Variants in LRRC37A2 observed in about 807,000 individuals in gnomAD.
The protein encoded by LRRC37A2 is leucine rich repeat containing 37 member A2.
In LRRC37A2, 9 loss-of-function variants were observed where a neutral mutation model predicts 68.8. That is an observed-to-expected ratio of 0.13 (90% CI 0.08 to 0.23). LRRC37A2 has a LOEUF of 0.23. Ranked by LOEUF, LRRC37A2 falls within the 10% of genes least tolerant of loss-of-function variation. The pLI is 1.00. For missense variants in LRRC37A2, 168 were observed against 950.4 expected, an observed-to-expected ratio of 0.18 and a Z score of 10.82; for synonymous variants, 63 against 367.6, an observed-to-expected ratio of 0.17 and a Z score of 9.48.
At chr17:46,882,538 C>T in the LRRC37A2 span, among the ~76,000 whole-genome samples, 1 of 151,910 alleles carries the variant, frequency 6.6e-6, no homozygotes, top group East Asian at 1.9e-4. Flanking sequence ...TAGGTTCAAG[C>T]GATTCTCCTG....
At chr17:46,936,980 A>T in the LRRC37A2 span, 1 of 225,750 alleles carries the variant, frequency 4.4e-6, no homozygotes, top group Non-Finnish European at 7.3e-6. Context: ...AAAAAAAAAA[A>T]GGATATGGGG....
the LRRC37A2 span, among the ~76,000 whole-genome samples, chr17:46,847,967 A>AGTGT: frequency 0.49 from 73,103 of 149,458 alleles, 19,676 homozygotes; most frequent in Middle Eastern, 0.65. Context: ...TGATTTCCAA[A>AGTGT]GTGTGTGTGT....
chr17:46,771,878 G>GCCCGCC, the LRRC37A2 span, among the ~76,000 whole-genome samples: 22 of 143,206 alleles, frequency 1.5e-4, no homozygotes, highest in African/African-American at 5.5e-4. Context: ...CCCCTCCGGC[G>GCCCGCC]CCCGCCCCCG....
chr17:46,541,613 A>C lies in LRRC37A2; in HGVS notation c.3053+732A>C, dbSNP rs1283254342. 4.6e-5 allele frequency among the ~76,000 whole-genome samples: 7 copies of C among 150,906 alleles called. 1 individual carries two copies. Among genetic ancestry groups the C allele is most frequent in the African/African-American group, 1.5e-4 (6 of 40,262 alleles). On this transcript the variant is annotated intron_variant, in intron 8 of 14. Transcript: ENST00000576629. ...TCCATGTTGTTGCACCTATCACTAC[A>C]GCTGGCCCTCCATATCTGCAGGTTC...
At chr17:46,878,618 T>C in the LRRC37A2 span, among the ~76,000 whole-genome samples, 1 of 152,198 alleles carries the variant, frequency 6.6e-6, no homozygotes, top group Non-Finnish European at 1.5e-5. Context: ...TTTCTCTGCC[T>C]TCCCAATCCA....
the LRRC37A2 span, chr17:47,018,225 G>A: frequency 9.3e-6 from 15 of 1,611,924 alleles, no homozygotes; most frequent in Non-Finnish European, 1.3e-5. Flanking sequence ...GGCCCCAATT[G>A]AGCCTCCAGT....
the LRRC37A2 span, among the ~76,000 whole-genome samples, chr17:46,953,421 C>T: frequency 6.6e-6 from 1 of 152,200 alleles, no homozygotes; most frequent in Non-Finnish European, 1.5e-5. Flanking sequence ...TGTATATGTG[C>T]CACATTTTCC....
At chr17:46,938,074 G>A in the LRRC37A2 span, 1 of 200,576 alleles carries the variant, frequency 5.0e-6, no homozygotes, top group Non-Finnish European at 1.0e-5. Flanking sequence ...ACGTGCCCAG[G>A]CTGATCTCGA....
the LRRC37A2 span, among the ~76,000 whole-genome samples, chr17:46,827,902 C>T: frequency 1.3e-5 from 2 of 151,872 alleles, no homozygotes; most frequent in East Asian, 1.9e-4. Context: ...CTCCGCGCCC[C>T]AGGTTCACAC....
At chr17:46,558,365 T>C (rs985556720), downstream of LRRC37A2, among the ~76,000 whole-genome samples, 3 of 107,272 alleles carry the variant, frequency 2.8e-5, no homozygotes, top group Admixed American at 9.3e-5. Flanking sequence ...TGGCTTGTTT[T>C]GGGTTTTGGG....
chr17:46,978,070 G>C, the LRRC37A2 span: 1 of 153,228 alleles, frequency 6.5e-6, no homozygotes, highest in African/African-American at 2.4e-5. Context: ...GCAGGGGCTA[G>C]ATGTCTCCCA....
chr17:47,028,183 G>A, the LRRC37A2 span: 1 of 843,806 alleles, frequency 1.2e-6, no homozygotes, highest in Non-Finnish European at 2.0e-6. Context: ...AAGGATTGAG[G>A]TTATGTTCCA....
At chr17:46,872,423 A>G in the LRRC37A2 span, 6 of 1,394,688 alleles carry the variant, frequency 4.3e-6, no homozygotes, top group Non-Finnish European at 5.6e-6. Context: ...CCAGAAGGGC[A>G]GTAAATGAAG....
the LRRC37A2 span, among the ~76,000 whole-genome samples, chr17:46,861,669 C>T: frequency 6.6e-6 from 1 of 152,304 alleles, no homozygotes; most frequent in East Asian, 1.9e-4. Flanking sequence ...CTCTTCTACA[C>T]CCAAGCCCCT....
the LRRC37A2 span, among the ~76,000 whole-genome samples, chr17:46,880,385 C>T: frequency 6.6e-6 from 1 of 152,212 alleles, no homozygotes; most frequent in African/African-American, 2.4e-5. Flanking sequence ...TTATTGAGCA[C>T]CCCTTATGTC....
At chr17:47,049,016 A>T in the LRRC37A2 span, 1 of 539,772 alleles carries the variant, frequency 1.9e-6, no homozygotes, top group Non-Finnish European at 3.3e-6. Flanking sequence ...CCGTGTTTTC[A>T]AAAGATATAT....
the LRRC37A2 span, among the ~76,000 whole-genome samples, chr17:46,960,156 T>A: frequency 6.6e-6 from 1 of 152,004 alleles, no homozygotes; most frequent in Non-Finnish European, 1.5e-5. Context: ...CTCTCAAAGC[T>A]CAACAATAAG....
the LRRC37A2 span, among the ~76,000 whole-genome samples, chr17:46,954,583 G>A: frequency 6.6e-6 from 1 of 152,180 alleles, no homozygotes; most frequent in African/African-American, 2.4e-5. Context: ...GTAGCTTGAT[G>A]GGGATGACAT....
At chr17:46,850,166 C>G in the LRRC37A2 span, among the ~76,000 whole-genome samples, 8 of 152,200 alleles carry the variant, frequency 5.3e-5, no homozygotes, top group African/African-American at 1.9e-4. Flanking sequence ...TAACATCTTA[C>G]CTGCACAAAA....
Sources: gnomAD v4.1 joint callset for allele counts (sites outside exome capture counted in the v4.1 genomes callset) on GRCh38, gnomAD v4.1.1 for gene constraint, MANE v1.5 for transcripts, NCBI Gene and HGNC (gene_info 2026-07-23, HGNC 2026-07-21) for gene names.